Variants in SEMA5A observed in about 807,000 individuals in gnomAD.
SEMA5A encodes semaphorin-5A.
In SEMA5A, 55 loss-of-function variants were observed where a neutral mutation model predicts 135.5. That is an observed-to-expected ratio of 0.41 (90% CI 0.33 to 0.51). The LOEUF (loss-of-function observed/expected upper bound fraction) is 0.51, where lower values mean the gene tolerates loss of function less well. SEMA5A is among the 20% of genes least tolerant of loss of function. The probability of loss-of-function intolerance (pLI) is 0.37; values close to 1 mark genes in which losing one functional copy is unlikely to be tolerated. For synonymous variants in SEMA5A, 580 were observed against 546.5 expected (o/e 1.06, Z -0.85); for missense variants, 1,290 against 1,419.9 (o/e 0.91, Z 1.47).
intron 12 of SEMA5A, among the ~76,000 whole-genome samples, chr5:9,141,222 A>G (rs1040516150): frequency 1.1e-4 from 16 of 152,196 alleles, no homozygotes; most frequent in African/African-American, 3.6e-4. Flanking sequence ...TGGAAGCTGG[A>G]TCTCTTTAAG....
chr5:9,382,373 G>A (rs2126490419), intron 2 of SEMA5A, among the ~76,000 whole-genome samples: 1 of 152,026 alleles, frequency 6.6e-6, no homozygotes, highest in East Asian at 1.9e-4. Flanking sequence ...AAACTGAGGG[G>A]AAAAGCTATT....
chr5:9,292,754 A>G (rs1751148702), intron 5 of SEMA5A, among the ~76,000 whole-genome samples: 1 of 152,202 alleles, frequency 6.6e-6, no homozygotes, highest in Non-Finnish European at 1.5e-5. Context: ...AGCAGTTTCT[A>G]TTGTGTAGAC....
At chr5:9,364,899 G>A (rs1251931729) in intron 3 of SEMA5A, among the ~76,000 whole-genome samples, 4 of 152,170 alleles carry the variant, frequency 2.6e-5, no homozygotes, top group African/African-American at 9.7e-5. Flanking sequence ...TCTCAGAATT[G>A]ATTGGGAATA....
intron 11 of SEMA5A, among the ~76,000 whole-genome samples, chr5:9,162,442 GTATGTGTATATATA>G (rs1397428632): frequency 7.3e-6 from 1 of 137,822 alleles, no homozygotes; most frequent in Non-Finnish European, 1.5e-5. Context: ...ATATATATGT[GTATGTGTATATATA>G]TGTGTGTGTA....
At chr5:9,528,886 G>A (rs1312586513) in intron 1 of SEMA5A, among the ~76,000 whole-genome samples, 1 of 152,190 alleles carries the variant, frequency 6.6e-6, no homozygotes, top group Non-Finnish European at 1.5e-5. Flanking sequence ...CACATTCCCA[G>A]GTAGAACAGT....
intron 11 of SEMA5A, among the ~76,000 whole-genome samples, chr5:9,175,149 T>C (rs1744135258): frequency 6.6e-6 from 1 of 152,146 alleles, no homozygotes; most frequent in African/African-American, 2.4e-5. Context: ...TTCTGCTCCC[T>C]GCATCCCCAA....
chr5:9,251,860 C>T (rs1443584581), intron 5 of SEMA5A, among the ~76,000 whole-genome samples: 1 of 152,180 alleles, frequency 6.6e-6, no homozygotes, highest in African/African-American at 2.4e-5. Flanking sequence ...TCATAACTAA[C>T]TCTACCCTCC....
chr5:9,479,399 C>T (rs925568866), intron 1 of SEMA5A, among the ~76,000 whole-genome samples: 1 of 143,304 alleles, frequency 7.0e-6, no homozygotes, highest in Admixed American at 7.0e-5. Context: ...AAAAAAAAAA[C>T]TTAATAAAGA....
chr5:9,064,553 C>T (rs201832552), intron 17 of SEMA5A, among the ~76,000 whole-genome samples: 1 of 142,850 alleles, frequency 7.0e-6, no homozygotes, highest in African/African-American at 2.6e-5. Flanking sequence ...ACAAAAAACC[C>T]AAACACTGCA....
intron 16 of SEMA5A, among the ~76,000 whole-genome samples, chr5:9,076,364 T>G (rs1335639734): frequency 6.6e-6 from 1 of 151,816 alleles, no homozygotes; most frequent in African/African-American, 2.4e-5. Flanking sequence ...GTTGATCACA[T>G]GGAGGTAGAG....
chr5:9,465,235 G>T (rs1364814810), intron 1 of SEMA5A, among the ~76,000 whole-genome samples: 2 of 152,134 alleles, frequency 1.3e-5, no homozygotes, highest in East Asian at 3.9e-4. Flanking sequence ...CTTATCTGTG[G>T]GTCAGTATTC....
At chr5:9,100,308 T>C (rs1035227028) in intron 16 of SEMA5A, among the ~76,000 whole-genome samples, 1 of 152,190 alleles carries the variant, frequency 6.6e-6, no homozygotes, top group African/African-American at 2.4e-5. Context: ...CTCAGCCTCC[T>C]GTGGTCCCAG....
chr5:9,370,144 C>A (rs558883953), intron 3 of SEMA5A, among the ~76,000 whole-genome samples: 2 of 152,310 alleles, frequency 1.3e-5, no homozygotes, highest in South Asian at 4.1e-4. Context: ...ACAAGTAATT[C>A]TCTGTGCTGA....
chr5:9,425,430 T>C (rs1197804932), intron 2 of SEMA5A, among the ~76,000 whole-genome samples: 1 of 152,204 alleles, frequency 6.6e-6, no homozygotes, highest in Non-Finnish European at 1.5e-5. Flanking sequence ...TTATTTCTCA[T>C]GGTCACTTTG....
intron 2 of SEMA5A, among the ~76,000 whole-genome samples, chr5:9,399,787 G>A (rs1390035260): frequency 6.6e-6 from 1 of 152,096 alleles, no homozygotes; most frequent in South Asian, 2.1e-4. Flanking sequence ...TGGGTAAGAG[G>A]GGCTTCCACA....
chr5:9,372,205 C>T (rs1355074103), intron 3 of SEMA5A, among the ~76,000 whole-genome samples: 1 of 152,228 alleles, frequency 6.6e-6, no homozygotes, highest in Non-Finnish European at 1.5e-5. Context: ...TGTCCTGTGG[C>T]AATGAGGTTG....
chr5:9,462,762 G>A (rs1221973250), intron 1 of SEMA5A, among the ~76,000 whole-genome samples: 2 of 152,044 alleles, frequency 1.3e-5, no homozygotes, highest in African/African-American at 2.4e-5. Flanking sequence ...ACTTATAAGT[G>A]GGAGCTAAAT....
chr5:9,432,949 T>C (rs764308725), intron 2 of SEMA5A, among the ~76,000 whole-genome samples: 1 of 152,210 alleles, frequency 6.6e-6, no homozygotes, highest in Non-Finnish European at 1.5e-5. Flanking sequence ...AGTCATAGGT[T>C]ATATAAAATC....
chr5:9,507,768 G>T (rs1169523722), intron 1 of SEMA5A, among the ~76,000 whole-genome samples: 1 of 152,134 alleles, frequency 6.6e-6, no homozygotes, highest in East Asian at 1.9e-4. Context: ...ACTTTGGGAG[G>T]CCGAGGCGGG....
Sources: gnomAD v4.1 joint callset for allele counts (sites outside exome capture counted in the v4.1 genomes callset) on GRCh38, gnomAD v4.1.1 for gene constraint, MANE v1.5 for transcripts, NCBI Gene and HGNC (gene_info 2026-07-23, HGNC 2026-07-21) for gene names.